The following NETO1 variants were observed in gnomAD, a reference collection of about 807,000 sequenced individuals.
NETO1 encodes neuropilin and tolloid like 1, also known as neuropilin and tolloid-like protein 1.
Under a neutral mutation model 61.3 loss-of-function variants are expected in NETO1, and 26 were observed. The observed-to-expected ratio is 0.42, with a 90% CI of 0.31 to 0.59. The LOEUF (loss-of-function observed/expected upper bound fraction) is 0.59, where lower values mean the gene tolerates loss of function less well. Ranked by LOEUF, NETO1 falls within the 20% of genes least tolerant of loss-of-function variation. The pLI, the probability that NETO1 is intolerant of heterozygous loss-of-function variation, is 0.12. For missense variants in NETO1, 531 were observed against 662.8 expected (o/e 0.80, Z 2.18); for synonymous variants, 225 against 225.8 (o/e 1.00, Z 0.03).
Position 72,745,250 on chromosome 18 carries a change from T to C in NETO1, c.*2929A>G, listed in dbSNP as rs771513278. On this transcript the variant is annotated 3_prime_UTR_variant, in exon 11 of 11. Coordinates refer to ENST00000327305, the MANE Select transcript of NETO1 (RefSeq NM_138966.5). ...AGATAATGCTTAAAATTGGTATGTATATAAAAACATACAAAATAAATCAGA... is the reference window on the plus strand; with the variant it reads ...AGATAATGCTTAAAATTGGTATGTACATAAAAACATACAAAATAAATCAGA... The C allele has an allele frequency of 2.9e-4, 44 of 152,324 alleles. No homozygotes were observed. The highest frequency in any genetic ancestry group is 4.4e-4 in the Non-Finnish European group (30 of 68,018). The allele number at this position is 152,324 out of a possible 1,614,324, so 9.4% of individuals were successfully genotyped here. A position where few individuals can be genotyped will look rare whatever the true frequency, so the allele number is the denominator to read the frequency against.
intron 8 of NETO1, among the ~76,000 whole-genome samples, chr18:72,754,989 CT>C (rs1202532628): frequency 1.6e-4 from 25 of 152,162 alleles, no homozygotes; most frequent in African/African-American, 6.0e-4. Context: ...AATTTTTCCC[CT>C]ATCACAAGAG....
At chr18:72,799,436 T>C (rs896625714) in intron 4 of NETO1, among the ~76,000 whole-genome samples, 9 of 152,236 alleles carry the variant, frequency 5.9e-5, no homozygotes, top group Admixed American at 3.9e-4. Flanking sequence ...GTTCAAGTCT[T>C]TGAATGATTA....
chr18:72,805,050 A>C (rs8086952), intron 4 of NETO1, among the ~76,000 whole-genome samples: 54,576 of 152,070 alleles, frequency 0.36, 10,315 homozygotes, highest in Admixed American at 0.43. Context: ...ATAAATGATA[A>C]GTAAAATGTG....
At position 72,756,161 on chromosome 18, in the gene NETO1, G is replaced by A. The variant is rs756068506; in HGVS notation, c.869-14C>T. On this transcript the variant is annotated splice_polypyrimidine_tract_variant and intron_variant, in intron 7 of 10. Coordinates refer to ENST00000327305, the MANE Select transcript of NETO1 (RefSeq NM_138966.5). ...CTTCACAAGGAGCTAAAAAGAAGAA[G>A]AACAAGACAAAGGAGGAAAGTTATA... is the stretch of plus-strand genomic sequence containing the variant. 5.2e-6 allele frequency: 7 copies of A among 1,354,122 alleles called. No individual in the cohort carries two copies. The highest frequency in any genetic ancestry group is 1.8e-4 in the Middle Eastern group (1 of 5,596). The allele number at this position is 1,354,122 out of a possible 1,614,324, so 83.9% of individuals were successfully genotyped here. A position where few individuals can be genotyped will look rare whatever the true frequency, so the allele number is the denominator to read the frequency against.
At chr18:72,783,980 T>C in intron 6 of NETO1, 74 bp from the exon 7 acceptor site, 1 of 1,004,810 alleles carries the variant, frequency 1.0e-6, no homozygotes, top group Non-Finnish European at 1.5e-6. Flanking sequence ...TCCTTTTCTC[T>C]TTTTCAGTCT....
At chr18:72,862,900 G>A (rs1175097799) in intron 3 of NETO1, among the ~76,000 whole-genome samples, 1 of 152,146 alleles carries the variant, frequency 6.6e-6, no homozygotes, top group African/African-American at 2.4e-5. Context: ...GATTACAGGT[G>A]TGAGCCACCA....
chr18:72,834,872 GAATA>G, intron 4 of NETO1: 1 of 907,934 alleles, frequency 1.1e-6, no homozygotes, highest in Non-Finnish European at 1.3e-6. Context: ...TGTAATACAA[GAATA>G]AATTATCGAA....
chr18:72,846,254 C>T (rs2074079854), intron 4 of NETO1, among the ~76,000 whole-genome samples: 1 of 151,578 alleles, frequency 6.6e-6, no homozygotes, highest in African/African-American at 2.4e-5. Context: ...CCTGGAATCC[C>T]AGCATCTTGG....
chr18:72,829,926 T>C (rs2073517854), intron 4 of NETO1, among the ~76,000 whole-genome samples: 1 of 152,170 alleles, frequency 6.6e-6, no homozygotes, highest in African/African-American at 2.4e-5. Context: ...ACTCAGCAGG[T>C]TGGCACACTT....
chr18:72,755,996 G>T, intron 8 of NETO1, 38 bp downstream of exon 8: 1 of 1,104,404 alleles, frequency 9.1e-7, no homozygotes, highest in South Asian at 1.3e-5. Context: ...ACTCCACAGG[G>T]AGGAAATTTT....
intron 4 of NETO1, among the ~76,000 whole-genome samples, chr18:72,844,268 A>C (rs1050497348): frequency 3.3e-5 from 5 of 152,172 alleles, no homozygotes; most frequent in African/African-American, 1.2e-4. Context: ...TGTCACAGAC[A>C]CTACTGTAAG....
chr18:72,791,664 T>C (rs1378561563), intron 6 of NETO1, among the ~76,000 whole-genome samples: 1 of 152,208 alleles, frequency 6.6e-6, no homozygotes, highest in African/African-American at 2.4e-5. Flanking sequence ...GCATTTACAC[T>C]GTCATGAAAA....
intron 4 of NETO1, among the ~76,000 whole-genome samples, chr18:72,795,002 C>T (rs1052319632): frequency 4.6e-5 from 7 of 152,214 alleles, no homozygotes; most frequent in African/African-American, 1.7e-4. Context: ...TGCTAACTTT[C>T]AAAGCATTCC....
intron 7 of NETO1, among the ~76,000 whole-genome samples, chr18:72,773,743 C>T (rs967191391): frequency 6.6e-6 from 1 of 152,120 alleles, no homozygotes; most frequent in Non-Finnish European, 1.5e-5. Context: ...GCCTCTCCAG[C>T]TATGTGTAGC....
intron 4 of NETO1, among the ~76,000 whole-genome samples, chr18:72,839,176 A>C (rs1030490293): frequency 6.6e-5 from 10 of 152,184 alleles, no homozygotes; most frequent in African/African-American, 2.4e-4. Flanking sequence ...TATCAAGGAG[A>C]AACTCTACTG....
At chr18:72,849,697 T>C (rs748791299) in intron 4 of NETO1, among the ~76,000 whole-genome samples, 5 of 152,206 alleles carry the variant, frequency 3.3e-5, no homozygotes, top group Non-Finnish European at 7.3e-5. Context: ...TTACCACAAC[T>C]TAGAACCTTA....
intron 3 of NETO1, 63 bp from the exon 4 acceptor site, chr18:72,859,137 G>C: frequency 1.4e-6 from 2 of 1,460,678 alleles, no homozygotes; most frequent in South Asian, 2.9e-5. Context: ...GATGTTTTCT[G>C]ATTCTATTTC....
At chr18:72,748,299 G>A in intron 10 of NETO1, 135 bp from the exon 11 acceptor site, 1 of 984,644 alleles carries the variant, frequency 1.0e-6, no homozygotes. Flanking sequence ...GAGGAGTTTA[G>A]AAGAGATTAG....
At chr18:72,833,052 C>G (rs573086379) in intron 4 of NETO1, among the ~76,000 whole-genome samples, 1 of 152,164 alleles carries the variant, frequency 6.6e-6, no homozygotes, top group Admixed American at 6.5e-5. Flanking sequence ...GGACTGTAGT[C>G]TCCATAGTCT....
Sources: allele counts gnomAD v4.1 joint callset (sites outside exome capture counted in the v4.1 genomes callset), GRCh38; gene constraint gnomAD v4.1.1; transcripts MANE v1.5; gene names NCBI Gene and HGNC (gene_info 2026-07-23, HGNC 2026-07-21).